Variants in CLEC16A observed in about 807,000 individuals in gnomAD.
CLEC16A encodes the protein C-type lectin domain containing 16A.
A neutral mutation model predicts 109.5 loss-of-function variants in CLEC16A; 51 were observed. The observed-to-expected ratio is 0.47, with a 90% CI of 0.37 to 0.59. The LOEUF (loss-of-function observed/expected upper bound fraction) is 0.59. Among genes scored for constraint, CLEC16A ranks in the 20% least tolerant of loss-of-function variants. The pLI, the probability that CLEC16A is intolerant of heterozygous loss-of-function variation, is 0.00. For synonymous variants in CLEC16A, 673 were observed against 564.2 expected (o/e 1.19, Z -2.73); for missense variants, 1,339 against 1,394.0 (o/e 0.96, Z 0.63).
At position 10,957,810 on chromosome 16, in the gene CLEC16A, A is replaced by T; in HGVS notation, c.109A>T (p.Thr37Ser). The change falls in exon 2 of 24, where the codon ACC (threonine) becomes TCC (serine). Residue 37 changes from threonine to serine, a missense_variant. By Grantham distance (58) the Thr-to-Ser change is moderately conservative. Coordinates refer to ENST00000409790, the MANE Select transcript of CLEC16A (RefSeq NM_015226.3). Reference protein sequence around the residue: ...KYLYHVLTKNTTVTEQNRNLL... With the variant: ...KYLYHVLTKNSTVTEQNRNLL... ...TCTGTACCACGTTTTGACCAAAAAC[A>T]CCACAGTCACAGAACAGAACCGGAA... is the stretch of plus-strand genomic sequence containing the variant. The T allele has an allele frequency of 6.2e-7, 1 of 1,613,926 alleles. No homozygotes were observed. The highest frequency in any genetic ancestry group is 1.3e-5 in the African/African-American group (1 of 75,050).
At chr16:11,055,897 C>T (rs1343788194) in intron 18 of CLEC16A, among the ~76,000 whole-genome samples, 2 of 152,030 alleles carry the variant, frequency 1.3e-5, no homozygotes, top group Non-Finnish European at 2.9e-5. Context: ...CCCTCTCTTG[C>T]ATTTTAAAAA....
chr16:11,067,198 T>C (rs1378077899), intron 19 of CLEC16A, among the ~76,000 whole-genome samples: 1 of 148,194 alleles, frequency 6.7e-6, no homozygotes, highest in East Asian at 2.0e-4. Context: ...TGTTTTTTTT[T>C]TTTTTTTTTT....
chr16:11,056,538 A>G (rs939888791), intron 18 of CLEC16A: 4 of 152,222 alleles, frequency 2.6e-5, no homozygotes, highest in Admixed American at 6.5e-5. Context: ...AGCCATCTGT[A>G]TATAGTCATC....
intron 22 of CLEC16A, among the ~76,000 whole-genome samples, chr16:11,140,043 A>T (rs978628702): frequency 3.3e-5 from 5 of 152,232 alleles, no homozygotes; most frequent in African/African-American, 1.2e-4. Flanking sequence ...TCATCCCTGG[A>T]GAGGGTGCCT....
intron 19 of CLEC16A, 101 bp downstream of exon 19, chr16:11,061,123 C>G (rs1267812735): frequency 7.5e-7 from 1 of 1,330,366 alleles, no homozygotes; most frequent in African/African-American, 1.5e-5. Flanking sequence ...AGTGTGCAAC[C>G]TACATTTTGT....
chr16:10,962,636 A>T (rs199553644), intron 3 of CLEC16A, 48 bp downstream of exon 3: 97 of 1,598,130 alleles, frequency 6.1e-5, no homozygotes, highest in Non-Finnish European at 8.2e-5. Context: ...TGCATGTAGC[A>T]GGGTGAAGTT....
chr16:11,133,352 A>AGT (rs1567370586), intron 22 of CLEC16A, among the ~76,000 whole-genome samples: 1 of 151,024 alleles, frequency 6.6e-6, no homozygotes, highest in African/African-American at 2.5e-5. Context: ...AAAAAAAAAA[A>AGT]ATTTTTTTTT....
At chr16:11,095,179 A>C (rs1322302317) in intron 19 of CLEC16A, among the ~76,000 whole-genome samples, 2 of 152,032 alleles carry the variant, frequency 1.3e-5, no homozygotes. Context: ...TAGCAGGAAA[A>C]AGTGGGCGGT....
intron 3 of CLEC16A, among the ~76,000 whole-genome samples, chr16:10,968,086 G>C (rs2042599450): frequency 6.6e-6 from 1 of 152,234 alleles, no homozygotes; most frequent in African/African-American, 2.4e-5. Context: ...AGCTGTCCTG[G>C]GGGCCGGGCA....
chr16:11,165,540 A>C (rs1345417260), intron 22 of CLEC16A, among the ~76,000 whole-genome samples: 1 of 152,114 alleles, frequency 6.6e-6, no homozygotes, highest in African/African-American at 2.4e-5. Flanking sequence ...ACCATGTGCC[A>C]CACCCTGTTC....
chr16:10,973,098 A>T, intron 7 of CLEC16A, 37 bp downstream of exon 7: 1 of 1,563,382 alleles, frequency 6.4e-7, no homozygotes, highest in South Asian at 1.2e-5. Flanking sequence ...GTAGATAGAC[A>T]GGGTGGTTAG....
At chr16:11,095,291 G>C (rs12917716) in intron 19 of CLEC16A, among the ~76,000 whole-genome samples, 76,267 of 151,988 alleles carry the variant, frequency 0.5, 19,998 homozygotes, top group African/African-American at 0.67. Flanking sequence ...AAGAAAAAAG[G>C]CTGTGCAGGG....
At chr16:11,023,771 G>A (rs984208282) in intron 12 of CLEC16A, among the ~76,000 whole-genome samples, 1 of 152,164 alleles carries the variant, frequency 6.6e-6, no homozygotes, top group African/African-American at 2.4e-5. Flanking sequence ...TTGGAGCTTG[G>A]GTGTCCTTCC....
chr16:11,096,177 T>TA (rs34361002), intron 19 of CLEC16A, among the ~76,000 whole-genome samples: 470 of 148,588 alleles, frequency 3.2e-3, no homozygotes, highest in East Asian at 9.5e-3. Flanking sequence ...ACCCCATCTC[T>TA]AAAAAAAAAA....
At chr16:11,135,490 G>C (rs572855231) in intron 22 of CLEC16A, among the ~76,000 whole-genome samples, 1 of 152,206 alleles carries the variant, frequency 6.6e-6, no homozygotes, top group Non-Finnish European at 1.5e-5. Flanking sequence ...ATCTTGCCCA[G>C]ATGCTTTTCT....
Position 11,174,412 on chromosome 16 carries a change from C to T in CLEC16A, c.2807-3923C>T. On this transcript the variant is annotated intron_variant, in intron 23 of 23. Coordinates refer to ENST00000409790, the MANE Select transcript of CLEC16A (RefSeq NM_015226.3). This position sits in a 1 kb window ranked among gnomAD's most constrained non-coding sequence, Gnocchi z 4.7. Reference sequence around the variant, plus strand: ...AGAGCCATTTGCCAAGGCGGCACTTCCCCATTTTCCCCCAAAGTTGGTTCT... The same window carrying T: ...AGAGCCATTTGCCAAGGCGGCACTTTCCCATTTTCCCCCAAAGTTGGTTCT... The T allele has an allele frequency of 5.6e-6, 2 of 354,234 alleles. No individual in the cohort carries two copies. The highest frequency in any genetic ancestry group is 5.7e-6 in the Non-Finnish European group (1 of 175,768). 21.9% of individuals were successfully genotyped at this position (354,234 alleles called of 1,614,324 possible). A position where few individuals can be genotyped will look rare whatever the true frequency, so the allele number is the denominator to read the frequency against.
At chr16:11,121,430 C>A (rs1330928152) in intron 20 of CLEC16A, among the ~76,000 whole-genome samples, 2 of 152,216 alleles carry the variant, frequency 1.3e-5, no homozygotes, top group East Asian at 1.9e-4. Context: ...TTAGTAGACA[C>A]TGCCAAATAC....
In CLEC16A at chr16:11,113,424, C is replaced by G. The variant is rs560239973; in HGVS notation, c.2117-7191C>G. Reference sequence around the variant, plus strand: ...CCTGTAATTCCAGCACTTTGGGAGGCTGAGGTGGGAGGATCCCTTGAGCCA... The same window carrying G: ...CCTGTAATTCCAGCACTTTGGGAGGGTGAGGTGGGAGGATCCCTTGAGCCA... On this transcript the variant is annotated intron_variant, in intron 19 of 23. Coordinates refer to ENST00000409790, the MANE Select transcript of CLEC16A (RefSeq NM_015226.3). 6.5e-4 allele frequency among the ~76,000 whole-genome samples: 99 copies of G among 152,262 alleles called. 1 individual carries two copies. In the South Asian group the frequency reaches 0.02, roughly 31 times the overall value.
At chr16:11,017,088 T>C (rs1416299041) in intron 11 of CLEC16A, among the ~76,000 whole-genome samples, 1 of 151,856 alleles carries the variant, frequency 6.6e-6, no homozygotes, top group Non-Finnish European at 1.5e-5. Flanking sequence ...GGGCATGAGA[T>C]ATCTCCCCAC....
Sources: gnomAD v4.1 joint callset for allele counts (sites outside exome capture counted in the v4.1 genomes callset) on GRCh38, gnomAD v4.1.1 for gene constraint, Gnocchi (gnomAD v3.1) non-coding constraint, MANE v1.5 for transcripts, NCBI Gene and HGNC (gene_info 2026-07-23, HGNC 2026-07-21) for gene names.